The following H6PD variants were observed in gnomAD, a reference collection of about 807,000 sequenced individuals.
H6PD encodes the protein hexose-6-phosphate dehydrogenase/glucose 1-dehydrogenase.
Under a neutral mutation model 61.2 loss-of-function variants are expected in H6PD, and 48 were observed. The observed-to-expected ratio is 0.78, with a 90% CI of 0.62 to 1.00. The LOEUF (loss-of-function observed/expected upper bound fraction) is 1.00. Ranked by LOEUF, H6PD falls within the 50% of genes least tolerant of loss-of-function variation. The pLI, the probability that H6PD is intolerant of heterozygous loss-of-function variation, is 0.00. For missense variants in H6PD, 1,093 were observed against 1,065.0 expected (o/e 1.03, Z -0.37); for synonymous variants, 480 against 457.9 (o/e 1.05, Z -0.62).
intron 3 of H6PD, among the ~76,000 whole-genome samples, chr1:9,248,525 C>A (rs995229036): frequency 2.6e-4 from 40 of 152,136 alleles, no homozygotes; most frequent in African/African-American, 8.7e-4. Flanking sequence ...TGGAGCTGGG[C>A]GCAGTGGTAC....
At chr1:9,252,306 C>A (rs1641392858) in intron 3 of H6PD, among the ~76,000 whole-genome samples, 1 of 152,088 alleles carries the variant, frequency 6.6e-6, no homozygotes, top group South Asian at 2.1e-4. Flanking sequence ...CAACATATAC[C>A]TTTTAATATT....
chr1:9,235,861 T>G (rs1448204488), intron 1 of H6PD, among the ~76,000 whole-genome samples: 2 of 152,250 alleles, frequency 1.3e-5, no homozygotes, highest in Non-Finnish European at 2.9e-5. Flanking sequence ...ATCCTCCTGC[T>G]TAAGCCTTAC....
At chr1:9,239,976 C>G in intron 1 of H6PD, 4 of 1,231,544 alleles carry the variant, frequency 3.2e-6, no homozygotes, top group Non-Finnish European at 4.0e-6. Context: ...ATCCAAACCC[C>G]CTGGCCCCCA....
Position 9,235,131 on chromosome 1 carries a change from G to C in H6PD, c.-11+65G>C, listed in dbSNP as rs1640815402. On this transcript the variant is annotated intron_variant, in intron 1 of 4. Transcript: ENST00000377403. ...GGCGCCTCCAACCCGCGCTGCCGCC[G>C]GGCCCGAGGCCGCGCCGAGCCCCGG... The C allele has an allele frequency of 2.7e-5, 4 of 150,030 alleles. No homozygotes were observed. In the Admixed American group the frequency reaches 2.7e-4, roughly 10 times the overall value. 9.3% of individuals were successfully genotyped at this position (150,030 alleles called of 1,614,324 possible). A position where few individuals can be genotyped will look rare whatever the true frequency, so the allele number is the denominator to read the frequency against.
intron 1 of H6PD, among the ~76,000 whole-genome samples, chr1:9,236,482 C>T (rs1344675371): frequency 6.6e-6 from 1 of 152,126 alleles, no homozygotes; most frequent in East Asian, 1.9e-4. Flanking sequence ...CATGGTGAAA[C>T]CCCGTCTCTA....
Position 9,247,131 on chromosome 1 carries a change from G to A in H6PD, c.745+48G>A, listed in dbSNP as rs572657990. On this transcript the variant is annotated intron_variant, in intron 3 of 4. Transcript: ENST00000377403. ...TCGGTCCCCCAGCCTCTGCCTGCCC[G>A]CTGTCTGCGGTGAGGCATGGGGCGC... is the stretch of plus-strand genomic sequence containing the variant. The A allele has an allele frequency of 4.7e-5, 59 of 1,249,242 alleles. 1 individual carries two copies. Among genetic ancestry groups the A allele is most frequent in the South Asian group, 3.8e-4 (32 of 84,110 alleles). The allele number at this position is 1,249,242 out of a possible 1,614,324, so 77.4% of individuals were successfully genotyped here. A position where few individuals can be genotyped will look rare whatever the true frequency, so the allele number is the denominator to read the frequency against.
intron 3 of H6PD, among the ~76,000 whole-genome samples, chr1:9,257,136 TTTTC>T (rs1391183175): frequency 6.6e-6 from 1 of 151,500 alleles, no homozygotes; most frequent in South Asian, 2.1e-4. Flanking sequence ...CCTGTTTTCT[TTTTC>T]TTTCTTTTTT....
chr1:9,254,046 T>C lies in H6PD; in HGVS notation c.745+6963T>C, dbSNP rs1486063614. 2.0e-5 allele frequency among the ~76,000 whole-genome samples: 3 copies of C among 152,168 alleles called. No individual in the cohort carries two copies. Among genetic ancestry groups the C allele is most frequent in the East Asian group, 3.8e-4 (2 of 5,198 alleles). ...TGCTGGAGATCACAGGGCTGAAAGATGGCAGAGCCGGTATTTAAACCGGGG... is the reference window on the plus strand; with the variant it reads ...TGCTGGAGATCACAGGGCTGAAAGACGGCAGAGCCGGTATTTAAACCGGGG... On this transcript the variant is annotated intron_variant, in intron 3 of 4. Transcript: ENST00000377403. This position sits in a 1 kb window ranked among gnomAD's most constrained non-coding sequence, Gnocchi z 4.6.
At chr1:9,235,519 C>T (rs1640827910) in intron 1 of H6PD, among the ~76,000 whole-genome samples, 1 of 152,104 alleles carries the variant, frequency 6.6e-6, no homozygotes, top group African/African-American at 2.4e-5. Flanking sequence ...CACAACAGGC[C>T]CATGGCTCAT....
intron 1 of H6PD, among the ~76,000 whole-genome samples, chr1:9,236,758 G>A (rs1234471956): frequency 6.6e-6 from 1 of 151,730 alleles, no homozygotes; most frequent in Non-Finnish European, 1.5e-5. Context: ...GCTTCCCATC[G>A]ATTTGTTTTC....
intron 4 of H6PD, 46 bp downstream of exon 4, chr1:9,262,374 C>T (rs186417168): frequency 1.1e-4 from 169 of 1,540,768 alleles, no homozygotes; most frequent in Admixed American, 2.2e-4. Flanking sequence ...CCCACTTCGC[C>T]GGGAGCAGCT....
At position 9,267,268 on chromosome 1, in the gene H6PD, G is replaced by T. The variant is rs1638598746; in HGVS notation, c.*2399G>T. Reference sequence around the variant, plus strand: ...GAGAGGACAGGGAGTCGTGGTGGAAGTTCCACAGCTGGCCGCGTGGGGGGG... The same window carrying T: ...GAGAGGACAGGGAGTCGTGGTGGAATTTCCACAGCTGGCCGCGTGGGGGGG... On this transcript the variant is annotated 3_prime_UTR_variant, in exon 5 of 5. Coordinates refer to ENST00000377403, the MANE Select transcript of H6PD (RefSeq NM_004285.4). 6.6e-6 allele frequency: 1 copy of T among 152,316 alleles called. No homozygotes were observed. The highest frequency in any genetic ancestry group is 6.5e-5 in the Admixed American group (1 of 15,280). The allele number at this position is 152,316 out of a possible 1,614,324, so 9.4% of individuals were successfully genotyped here. A position where few individuals can be genotyped will look rare whatever the true frequency, so the allele number is the denominator to read the frequency against.
chr1:9,245,819 G>T lies in H6PD; in HGVS notation c.627+258G>T, dbSNP rs763817161. On this transcript the variant is annotated intron_variant, in intron 2 of 4. Coordinates refer to ENST00000377403, the MANE Select transcript of H6PD (RefSeq NM_004285.4). The surrounding 1 kb of genome is among the most constrained non-coding windows in gnomAD (Gnocchi z 4.8). ...CCCGTTCTCGTTGTTTCCCAGTCTGGGCTCTGGCTTCTCACGGTTGCCCTG... is the reference window on the plus strand; with the variant it reads ...CCCGTTCTCGTTGTTTCCCAGTCTGTGCTCTGGCTTCTCACGGTTGCCCTG... Among the ~76,000 whole-genome samples, 268 of 152,248 alleles carry T rather than the reference G, an allele frequency of 1.8e-3. 2 individuals carry two copies. Among genetic ancestry groups the T allele is most frequent in the Admixed American group, 9.0e-3 (137 of 15,300 alleles).
In H6PD at chr1:9,268,358, G is replaced by C. The variant is rs1424140957; in HGVS notation, c.*3489G>C. The C allele has an allele frequency of 1.3e-5, 2 of 152,116 alleles. No individual in the cohort carries two copies. Among genetic ancestry groups the C allele is most frequent in the Non-Finnish European group, 2.9e-5 (2 of 68,070 alleles). 9.4% of individuals were successfully genotyped at this position (152,116 alleles called of 1,614,324 possible). ...CCAGGCAGGCTGTTTGCCTCTTCCT[G>C]GTCTGGAAGCCCTTGGGTCCTATGG... is the stretch of plus-strand genomic sequence containing the variant. On this transcript the variant is annotated 3_prime_UTR_variant, in exon 5 of 5. Coordinates refer to ENST00000377403, the MANE Select transcript of H6PD (RefSeq NM_004285.4).
chr1:9,268,395 C>G lies in H6PD; in HGVS notation c.*3526C>G, dbSNP rs565177136. ...CTTGGGTCCTATGGTGGCGGCAGCTCCCACAGTCCAGGTTCCCTGGTGGGG... is the reference window on the plus strand; with the variant it reads ...CTTGGGTCCTATGGTGGCGGCAGCTGCCACAGTCCAGGTTCCCTGGTGGGG... On this transcript the variant is annotated 3_prime_UTR_variant, in exon 5 of 5. Coordinates refer to ENST00000377403, the MANE Select transcript of H6PD (RefSeq NM_004285.4). 6.6e-6 allele frequency: 1 copy of G among 152,188 alleles called. No homozygotes were observed. The highest frequency in any genetic ancestry group is 6.5e-5 in the Admixed American group (1 of 15,286). 9.4% of individuals were successfully genotyped at this position (152,188 alleles called of 1,614,324 possible).
intron 1 of H6PD, 125 bp from the exon 2 acceptor site, chr1:9,244,800 T>C: frequency 1.1e-6 from 1 of 912,448 alleles, no homozygotes; most frequent in African/African-American, 1.6e-5. Context: ...TGTGGGCTTA[T>C]AACATTTTCT....
intron 1 of H6PD, chr1:9,239,725 C>T (rs781529751): frequency 4.7e-5 from 17 of 360,962 alleles, no homozygotes; most frequent in East Asian, 8.0e-5. Context: ...CAGAAGGTAA[C>T]GTCAAAAGCT....
chr1:9,252,296 C>T (rs938419139), intron 3 of H6PD, among the ~76,000 whole-genome samples: 28 of 152,208 alleles, frequency 1.8e-4, no homozygotes, highest in African/African-American at 6.0e-4. Flanking sequence ...GCAGTCTGCA[C>T]AACATATACC....
At chr1:9,241,871 A>G (rs1239627330) in intron 1 of H6PD, among the ~76,000 whole-genome samples, 1 of 152,166 alleles carries the variant, frequency 6.6e-6, no homozygotes, top group Non-Finnish European at 1.5e-5. Flanking sequence ...CCTCGTCTGT[A>G]GAATGAGACT....
Sources: gnomAD v4.1 joint callset for allele counts (sites outside exome capture counted in the v4.1 genomes callset) on GRCh38, gnomAD v4.1.1 for gene constraint, Gnocchi (gnomAD v3.1) non-coding constraint, MANE v1.5 for transcripts, NCBI Gene and HGNC (gene_info 2026-07-23, HGNC 2026-07-21) for gene names.